BICRA: variants seen among roughly 807,000 people sequenced by gnomAD.
BICRA encodes BRD4 interacting chromatin remodeling complex associated protein.
BICRA carries 31 observed loss-of-function variants against 96.9 expected under a neutral mutation model. The observed-to-expected ratio is 0.32, with a 90% CI of 0.24 to 0.43. BICRA has a LOEUF of 0.43. Ranked by LOEUF, BICRA falls within the 20% of genes least tolerant of loss-of-function variation. BICRA has a pLI of 1.00. For missense variants in BICRA, 2,283 were observed against 2,190.3 expected (o/e 1.04, Z -0.84); for synonymous variants, 1,350 against 1,071.8 (o/e 1.26, Z -5.07).
intron 7 of BICRA, among the ~76,000 whole-genome samples, 154 bp from the exon 8 acceptor site, chr19:47,693,961 A>G (rs2914428): frequency 6.6e-6 from 1 of 151,604 alleles, no homozygotes; most frequent in African/African-American, 2.4e-5. Flanking sequence ...GAGGGAGGGA[A>G]GGGCAGCCGT....
chr19:47,663,639 A>C (rs2123563839), intron 1 of BICRA: 1 of 152,340 alleles, frequency 6.6e-6, no homozygotes, highest in East Asian at 1.9e-4. Context: ...TTCAGTTTTT[A>C]CTATTTGCAC....
At chr19:47,654,695 G>A (rs1972588369) in intron 1 of BICRA, among the ~76,000 whole-genome samples, 1 of 151,684 alleles carries the variant, frequency 6.6e-6, no homozygotes, top group Non-Finnish European at 1.5e-5. Flanking sequence ...GCTTATGCCT[G>A]TAATCCCAGC....
At chr19:47,622,222 C>G (rs1972075079) in intron 1 of BICRA, among the ~76,000 whole-genome samples, 2 of 151,550 alleles carry the variant, frequency 1.3e-5, no homozygotes, top group South Asian at 4.2e-4. Flanking sequence ...CCATGGCCTC[C>G]CAAAGTGCTG....
chr19:47,656,906 G>T (rs928701374), intron 1 of BICRA, among the ~76,000 whole-genome samples: 2 of 151,992 alleles, frequency 1.3e-5, no homozygotes, highest in East Asian at 3.9e-4. Context: ...CTGTCGCCCA[G>T]GCTGGAGTGC....
In BICRA at chr19:47,680,908, A is replaced by G. The variant is rs1973039195; in HGVS notation, c.1738A>G (p.Thr580Ala). Residue 580 changes from threonine (T) to alanine (A), a missense_variant, in exon 6 of 15, where the codon ACC becomes GCC. Coordinates refer to ENST00000594866, the MANE Select transcript of BICRA (RefSeq NM_001394372.1). Reference protein sequence around the residue: ...SQPAPAGPAATTVLQGVTLPP... With the variant: ...SQPAPAGPAAATVLQGVTLPP... ...GCCAGCGCCCGCCGGGCCGGCCGCC[A>G]CCACTGTCCTCCAGGGGGTCACCCT... The G allele has an allele frequency of 1.3e-6, 2 of 1,484,028 alleles. No individual in the cohort carries two copies. Among genetic ancestry groups the G allele is most frequent in the Non-Finnish European group, 1.8e-6 (2 of 1,129,522 alleles). The allele number at this position is 1,484,028 out of a possible 1,614,324, so 91.9% of individuals were successfully genotyped here.
chr19:47,647,424 T>G (rs959486309), intron 1 of BICRA, among the ~76,000 whole-genome samples: 7 of 152,200 alleles, frequency 4.6e-5, no homozygotes, highest in Admixed American at 1.3e-4. Flanking sequence ...CTCTGATTTC[T>G]CTATCATTTT....
chr19:47,676,227 G>A (rs924552799), intron 5 of BICRA, among the ~76,000 whole-genome samples: 2 of 152,074 alleles, frequency 1.3e-5, no homozygotes, highest in East Asian at 1.9e-4. Context: ...GAGCTGAAGC[G>A]GATGTGGGTT....
chr19:47,694,457 G>GCCCCCCCC lies in BICRA; in HGVS notation c.2632_2633insCCCCCCCC (p.His878ProfsTer72). 9.5e-6 allele frequency: 3 copies of GCCCCCCCC among 316,860 alleles called. No individual in the cohort carries two copies. The highest frequency in any genetic ancestry group is 1.2e-5 in the Non-Finnish European group (2 of 173,816). 19.6% of individuals were successfully genotyped at this position (316,860 alleles called of 1,614,324 possible). A position where few individuals can be genotyped will look rare whatever the true frequency, so the allele number is the denominator to read the frequency against. ...GCCGCCTGAGGGACCGCTGCCCCCA[G>GCCCCCCCC]CCCCCCACCTCCCTCCATCCTCCAC... On this transcript the variant is annotated frameshift_variant, in exon 8 of 15. Coordinates refer to ENST00000594866, the MANE Select transcript of BICRA (RefSeq NM_001394372.1). LOFTEE classifies it high-confidence loss of function.
Position 47,701,517 on chromosome 19 carries a change from C to T in BICRA, c.3785C>T (p.Ala1262Val). Reference sequence around the variant, plus strand: ...GGCGGCTCCCCTTCGGTCACCTGGGCCCGGGCGTCCTCCTCCCTGTCCTCC... The same window carrying T: ...GGCGGCTCCCCTTCGGTCACCTGGGTCCGGGCGTCCTCCTCCCTGTCCTCC... Reference protein sequence around the residue: ...GAGGSPSVTWARASSSLSSSS... With the variant: ...GAGGSPSVTWVRASSSLSSSS... The change falls in exon 15 of 15, where the codon GCC becomes GTC. Residue 1262 changes from alanine to valine, a missense_variant. Transcript: ENST00000594866. The surrounding 1 kb of genome is among the most constrained non-coding windows in gnomAD (Gnocchi z 5.4). 1 of 1,548,184 alleles carries T rather than the reference C, an allele frequency of 6.5e-7. No homozygotes were observed. Among genetic ancestry groups the T allele is most frequent in the Non-Finnish European group, 8.7e-7 (1 of 1,146,776 alleles).
intron 1 of BICRA, among the ~76,000 whole-genome samples, chr19:47,658,809 C>T (rs1434151513): frequency 6.6e-6 from 1 of 152,120 alleles, no homozygotes; most frequent in Non-Finnish European, 1.5e-5. Context: ...CAGTGGTCTA[C>T]AAACCCGTGC....
At chr19:47,692,128 C>T (rs778345821) in intron 7 of BICRA, among the ~76,000 whole-genome samples, 5 of 152,092 alleles carry the variant, frequency 3.3e-5, no homozygotes, top group Admixed American at 1.3e-4. Context: ...CTCTTTTCTC[C>T]GACTCAGCGA....
chr19:47,655,860 AAAAAAT>A (rs145572349), intron 1 of BICRA, among the ~76,000 whole-genome samples: 18,511 of 150,472 alleles, frequency 0.12, 1,265 homozygotes, highest in East Asian at 0.17. Flanking sequence ...CATCTCAAAA[AAAAAAT>A]AAAAATAAAA....
intron 10 of BICRA, 72 bp downstream of exon 10, chr19:47,695,546 G>A (rs1255070413): frequency 2.2e-5 from 16 of 738,188 alleles, no homozygotes; most frequent in Middle Eastern, 4.7e-4. Context: ...GGGCTGGCAG[G>A]GGCAGGGAGA....
intron 7 of BICRA, among the ~76,000 whole-genome samples, chr19:47,684,035 C>T (rs1241240801): frequency 6.6e-6 from 1 of 152,232 alleles, no homozygotes; most frequent in Non-Finnish European, 1.5e-5. Flanking sequence ...CTTGCACGCT[C>T]TCCCACTTAC....
rs886736722 is a variant in BICRA, at chr19:47,679,458, C to T, written c.288C>T (p.Gly96=). Residue 96 remains glycine, a synonymous_variant, in exon 6 of 15, where the codon GGC becomes GGT. Transcript: ENST00000594866. ...ATGGGGGGSG[G]ADQPCDILQQ... is the part of the protein sequence containing the mutation. ...GGGGCGGCGGCGGGGGCAGTGGGGG[C>T]GCTGACCAGCCCTGTGACATCCTCC... 25 of 1,514,292 alleles carry T rather than the reference C, an allele frequency of 1.7e-5. No individual in the cohort carries two copies. The highest frequency in any genetic ancestry group is 1.0e-4 in the South Asian group (8 of 78,728). The allele number at this position is 1,514,292 out of a possible 1,614,324, so 93.8% of individuals were successfully genotyped here.
chr19:47,619,280 C>T (rs897794879), intron 1 of BICRA, among the ~76,000 whole-genome samples: 13 of 146,586 alleles, frequency 8.9e-5, no homozygotes, highest in Non-Finnish European at 1.9e-4. Flanking sequence ...GATGGGGTCT[C>T]GCTGTTTCGC....
chr19:47,693,294 G>A (rs1174094539), intron 7 of BICRA, among the ~76,000 whole-genome samples: 1 of 152,244 alleles, frequency 6.6e-6, no homozygotes, highest in Non-Finnish European at 1.5e-5. Flanking sequence ...GTGTGCGTGT[G>A]ACAGAACTAG....
Position 47,702,588 on chromosome 19 carries a change from T to C in BICRA, c.*173T>C. 1 of 742,146 alleles carries C rather than the reference T, an allele frequency of 1.3e-6. No individual in the cohort carries two copies. Among genetic ancestry groups the C allele is most frequent in the Non-Finnish European group, 2.0e-6 (1 of 497,576 alleles). 46.0% of individuals were successfully genotyped at this position (742,146 alleles called of 1,614,324 possible). ...CTGCCGCCTGCTTCAGCTGGGTTGC[T>C]GGGGGGTGGGCGTGGATTTAGGGAG... is the stretch of plus-strand genomic sequence containing the variant. On this transcript the variant is annotated 3_prime_UTR_variant, in exon 15 of 15. Coordinates refer to ENST00000594866, the MANE Select transcript of BICRA (RefSeq NM_001394372.1).
intron 1 of BICRA, among the ~76,000 whole-genome samples, chr19:47,664,467 A>G (rs749528539): frequency 8.5e-5 from 13 of 152,158 alleles, no homozygotes; most frequent in Non-Finnish European, 1.9e-4. Flanking sequence ...CTTCAGAATC[A>G]CAGGGTCTGA....
Sources: allele counts gnomAD v4.1 joint callset (sites outside exome capture counted in the v4.1 genomes callset), GRCh38; gene constraint gnomAD v4.1.1; non-coding constraint Gnocchi (gnomAD v3.1); transcripts MANE v1.5; gene names NCBI Gene and HGNC (gene_info 2026-07-23, HGNC 2026-07-21).